Variants in PLCB2 observed in about 807,000 individuals in gnomAD.
The protein encoded by PLCB2 is phospholipase C beta 2.
PLCB2 carries 115 observed loss-of-function variants against 141.7 expected under a neutral mutation model. The ratio of observed to expected loss-of-function variants is 0.81; its 90% CI spans 0.70 to 0.95. The LOEUF (loss-of-function observed/expected upper bound fraction) is 0.95, where lower values mean the gene tolerates loss of function less well. PLCB2 is among the 40% of genes least tolerant of loss of function. PLCB2 has a pLI of 0.00. For missense variants in PLCB2, 1,403 were observed against 1,541.1 expected (o/e 0.91, Z 1.50); for synonymous variants, 603 against 595.6 (o/e 1.01, Z -0.18).
At chr15:40,306,551 T>C (rs560414604) in intron 1 of PLCB2, among the ~76,000 whole-genome samples, 1 of 152,186 alleles carries the variant, frequency 6.6e-6, no homozygotes, top group Non-Finnish European at 1.5e-5. Context: ...TCCATGCCAC[T>C]GCCATGCTAC....
In PLCB2 at chr15:40,291,175, G is replaced by A. The variant is rs1298938453; in HGVS notation, c.2879C>T (p.Pro960Leu). 6.4e-7 allele frequency: 1 copy of A among 1,571,650 alleles called. No individual in the cohort carries two copies. Among genetic ancestry groups the A allele is most frequent in the East Asian group, 2.3e-5 (1 of 43,472 alleles). Residue 960 changes from proline to leucine, a missense_variant, in exon 27 of 32, where the codon CCC becomes CTC. By Grantham distance (98) the Pro-to-Leu change is moderately conservative. Around this residue, in one of 4 missense-constraint regions of PLCB2, gnomAD observed 290 missense variants for 245.9 expected, o/e 1.18. Coordinates refer to ENST00000260402, the MANE Select transcript of PLCB2 (RefSeq NM_004573.3). The part of the protein sequence containing the change: ...GKGSRKKRSL[P>L]REESAGAAPG... ...CGCGGCTCCGGCGCTCTCCTCGCGG[G>A]GCAGGCTCCTGGGGAGGCCACGTGG...
At chr15:40,290,228 T>G in intron 29 of PLCB2, 146 bp from the exon 30 acceptor site, 1 of 669,576 alleles carries the variant, frequency 1.5e-6, no homozygotes, top group Non-Finnish European at 2.7e-6. Flanking sequence ...CCAAGGAGTA[T>G]GTAGGGGCCA....
chr15:40,288,941 T>C, intron 31 of PLCB2, 23 bp from the exon 32 acceptor site: 5 of 1,609,638 alleles, frequency 3.1e-6, no homozygotes, highest in Non-Finnish European at 4.2e-6. Flanking sequence ...CAAGGACCCC[T>C]GCCTGGCTCA....
intron 21 of PLCB2, 151 bp downstream of exon 21, chr15:40,292,775 T>G: frequency 3.5e-6 from 2 of 565,804 alleles, no homozygotes; most frequent in Non-Finnish European, 6.4e-6. Flanking sequence ...CCGCCTCTCT[T>G]AGGTTCCTGG....
Position 40,297,397 on chromosome 15 carries a change from G to T in PLCB2, c.1323+124C>A. On this transcript the variant is annotated intron_variant, in intron 13 of 31. Transcript: ENST00000260402. The surrounding 1 kb of genome is among the most constrained non-coding windows in gnomAD (Gnocchi z 4.2). ...ACACACGGAAGGTGACAGGATCCCA[G>T]ACCCGCATCTAACCAAGTGAACCCT... 2.6e-6 allele frequency: 2 copies of T among 759,228 alleles called. No homozygotes were observed. The highest frequency in any genetic ancestry group is 1.5e-5 in the South Asian group (1 of 68,528). 47.0% of individuals were successfully genotyped at this position (759,228 alleles called of 1,614,324 possible).
At chr15:40,296,189 C>G (rs374441702) in intron 16 of PLCB2, 107 bp downstream of exon 16, 17 of 835,578 alleles carry the variant, frequency 2.0e-5, no homozygotes, top group East Asian at 1.3e-4. Context: ...TAAGCAAGCC[C>G]TTTGCCTGAC....
In PLCB2 at chr15:40,307,852, C is replaced by G. The variant is rs1304082247; in HGVS notation, c.-180G>C. The G allele has an allele frequency of 7.1e-6, 3 of 424,846 alleles. No individual in the cohort carries two copies. Among genetic ancestry groups the G allele is most frequent in the Middle Eastern group, 1.2e-3 (2 of 1,718 alleles). The allele number at this position is 424,846 out of a possible 1,614,324, so 26.3% of individuals were successfully genotyped here. On this transcript the variant is annotated 5_prime_UTR_variant, in exon 1 of 32. Coordinates refer to ENST00000260402, the MANE Select transcript of PLCB2 (RefSeq NM_004573.3). ...GGCCCTGGCTGAGTGCAGGACTGAG[C>G]TGTAGCCAGAGGCCCATCTGCCTTG...
chr15:40,299,909 G>A (rs995679526), intron 7 of PLCB2, among the ~76,000 whole-genome samples: 1 of 152,182 alleles, frequency 6.6e-6, no homozygotes, highest in Non-Finnish European at 1.5e-5. Context: ...AGATATATAA[G>A]TGACTAATAA....
intron 30 of PLCB2, 45 bp downstream of exon 30, chr15:40,289,956 AGAGAGAGAGAGAGTGTGTGTGTGT>A: frequency 1.5e-6 from 1 of 663,816 alleles, no homozygotes; most frequent in Non-Finnish European, 2.6e-6. Flanking sequence ...AGAGAGAGAG[AGAGAGAGAGAGAGTGTGTGTGTGT>A]GTGTGTGTGT....
In PLCB2 at chr15:40,307,835, C is replaced by A; in HGVS notation, c.-163G>T. 2 of 532,664 alleles carry A rather than the reference C, an allele frequency of 3.8e-6. No individual in the cohort carries two copies. Among genetic ancestry groups the A allele is most frequent in the Admixed American group, 3.7e-5 (1 of 26,896 alleles). 33.0% of individuals were successfully genotyped at this position (532,664 alleles called of 1,614,324 possible). On this transcript the variant is annotated 5_prime_UTR_variant, in exon 1 of 32. Transcript: ENST00000260402. ...CTTATAGCCCCTGGGGTGGCCCTGGCTGAGTGCAGGACTGAGCTGTAGCCA... is the reference window on the plus strand; with the variant it reads ...CTTATAGCCCCTGGGGTGGCCCTGGATGAGTGCAGGACTGAGCTGTAGCCA...
At position 40,298,283 on chromosome 15, in the gene PLCB2, G is replaced by T. The variant is rs752927610; in HGVS notation, c.1095C>A (p.Pro365=). 1 of 1,603,610 alleles carries T rather than the reference G, an allele frequency of 6.2e-7. No individual in the cohort carries two copies. Among genetic ancestry groups the T allele is most frequent in the South Asian group, 1.1e-5 (1 of 90,056 alleles). ...CVELDCWKGK[P]PDEEPIITHG... ...GGGTGATAATGGGCTCCTCGTCAGGGGGTTTCCCCTTCCAGCAGTCTAGCT... is the reference window on the plus strand; with the variant it reads ...GGGTGATAATGGGCTCCTCGTCAGGTGGTTTCCCCTTCCAGCAGTCTAGCT... Residue 365 remains proline, a synonymous_variant, in exon 11 of 32, where the codon CCC becomes CCA. Coordinates refer to ENST00000260402, the MANE Select transcript of PLCB2 (RefSeq NM_004573.3).
downstream of PLCB2, chr15:40,285,533 G>A (rs890574184): frequency 5.1e-6 from 5 of 985,130 alleles, no homozygotes; most frequent in African/African-American, 8.7e-5. Context: ...TTAGAGTGCA[G>A]CCCTCAAAGC....
rs372589138 is a variant in PLCB2, at chr15:40,288,817, G to C, written c.3456C>G (p.Ser1152=). 6.2e-7 allele frequency: 1 copy of C among 1,613,898 alleles called. No homozygotes were observed. The highest frequency in any genetic ancestry group is 8.5e-7 in the Non-Finnish European group (1 of 1,179,832). ...CCCTCTCAGGCTTGTCCTTGGCCTC[G>C]GAGGGAAAGCAGGTCCTGAGGCAGG... ...VRACLRTCFP[S]EAKDKPERAC... The change falls in exon 32 of 32, where the codon TCC becomes TCG. Residue 1152 remains serine (S), a synonymous_variant. Coordinates refer to ENST00000260402, the MANE Select transcript of PLCB2 (RefSeq NM_004573.3).
In PLCB2 at chr15:40,293,601, T is replaced by C. The variant is rs776197303; in HGVS notation, c.2185A>G (p.Ile729Val). 5 of 1,613,918 alleles carry C rather than the reference T, an allele frequency of 3.1e-6. No individual in the cohort carries two copies. In the African/African-American group the frequency reaches 6.7e-5, roughly 22 times the overall value. Residue 729 changes from isoleucine (I) to valine (V), a missense_variant, in exon 20 of 32, where the codon ATC (isoleucine) becomes GTC (valine). Ile to Val is a conservative substitution (Grantham distance 29). Coordinates refer to ENST00000260402, the MANE Select transcript of PLCB2 (RefSeq NM_004573.3). ...RTKLSPSTNSINPVWKEEPFV... is the reference protein window; with the variant it reads ...RTKLSPSTNSVNPVWKEEPFV... ...GGCTCCTCCTTCCAGACAGGATTGATGGAGTTAGTACTGGGTGACAGCTTA... is the reference window on the plus strand; with the variant it reads ...GGCTCCTCCTTCCAGACAGGATTGACGGAGTTAGTACTGGGTGACAGCTTA...
At chr15:40,306,842 T>C (rs187609227) in intron 1 of PLCB2, among the ~76,000 whole-genome samples, 172 of 152,332 alleles carry the variant, frequency 1.1e-3, no homozygotes, top group African/African-American at 3.8e-3. Flanking sequence ...CTCCATATTG[T>C]TCTCTCCAGC....
chr15:40,293,309 G>C (rs2040031350), intron 20 of PLCB2, among the ~76,000 whole-genome samples: 1 of 152,166 alleles, frequency 6.6e-6, no homozygotes, highest in South Asian at 2.1e-4. Context: ...ATCCAGTGGG[G>C]CAAAAGACTC....
Position 40,296,888 on chromosome 15 carries a change from C to T in PLCB2, c.1344G>A (p.Leu448=). Residue 448 remains leucine (L), a synonymous_variant, in exon 14 of 32, where the codon CTG becomes CTA. Coordinates refer to ENST00000260402, the MANE Select transcript of PLCB2 (RefSeq NM_004573.3). ...TGCCCCTGAGATCCTCAGGGCTGGG[C>T]AGGGGGACACCTGGTTTTAGCTATG... ...EKFPLKPGVP[L]PSPEDLRGKI... 6.2e-7 allele frequency: 1 copy of T among 1,613,994 alleles called. No homozygotes were observed. The highest frequency in any genetic ancestry group is 8.5e-7 in the Non-Finnish European group (1 of 1,179,958).
intron 3 of PLCB2, among the ~76,000 whole-genome samples, chr15:40,302,915 C>G (rs1017565231): frequency 1.3e-5 from 2 of 152,224 alleles, no homozygotes; most frequent in Non-Finnish European, 2.9e-5. Context: ...TCTCAGGAAA[C>G]CCCGCTTCCC....
intron 29 of PLCB2, 42 bp from the exon 30 acceptor site, chr15:40,290,124 TAGGG>T: frequency 1.7e-6 from 2 of 1,169,770 alleles, no homozygotes; most frequent in Non-Finnish European, 2.6e-6. Context: ...AGAAAACCCC[TAGGG>T]AGAGTAGGGT....
Sources: gnomAD v4.1 joint callset for allele counts (sites outside exome capture counted in the v4.1 genomes callset) on GRCh38, gnomAD v4.1.1 for gene constraint, gnomAD v4.1.1 regional missense constraint, Gnocchi (gnomAD v3.1) non-coding constraint, MANE v1.5 for transcripts, NCBI Gene and HGNC (gene_info 2026-07-23, HGNC 2026-07-21) for gene names.